The following SLC2A13 variants were observed in gnomAD, a reference collection of about 807,000 sequenced individuals.
The protein encoded by SLC2A13 is proton myo-inositol cotransporter.
A neutral mutation model predicts 64.4 loss-of-function variants in SLC2A13; 32 were observed. The ratio of observed to expected loss-of-function variants is 0.50; its 90% confidence interval spans 0.37 to 0.67. SLC2A13 has a LOEUF of 0.67. SLC2A13 is among the 30% of genes least tolerant of loss of function. The pLI is 0.00. For missense variants in SLC2A13, 743 were observed against 829.2 expected (o/e 0.90, Z 1.28); for synonymous variants, 338 against 327.1 (o/e 1.03, Z -0.36).
intron 4 of SLC2A13, among the ~76,000 whole-genome samples, chr12:39,918,851 CAAAA>C (rs10589116): frequency 4.8e-5 from 6 of 123,892 alleles, no homozygotes; most frequent in Admixed American, 7.9e-5. Flanking sequence ...GACTCTGTCT[CAAAA>C]AAAAAAAAAA....
intron 7 of SLC2A13, among the ~76,000 whole-genome samples, chr12:39,790,324 C>T (rs1371641695): frequency 4.0e-5 from 6 of 150,518 alleles, no homozygotes; most frequent in South Asian, 2.1e-4. Flanking sequence ...CACCCACTAA[C>T]GCGTCATCTA....
chr12:39,787,281 T>C (rs1315657817), intron 7 of SLC2A13, among the ~76,000 whole-genome samples: 1 of 152,230 alleles, frequency 6.6e-6, no homozygotes, highest in Non-Finnish European at 1.5e-5. Context: ...GGTATTTTCA[T>C]TTAAAAATGC....
chr12:39,900,809 G>GAACAAGAAAGGGCA (rs1945076565), intron 4 of SLC2A13, among the ~76,000 whole-genome samples: 1 of 152,178 alleles, frequency 6.6e-6, no homozygotes, highest in African/African-American at 2.4e-5. Flanking sequence ...GGCTACCAAT[G>GAACAAGAAAGGGCA]ACTTTCTTCA....
At chr12:40,101,052 C>T (rs954013847) in intron 1 of SLC2A13, among the ~76,000 whole-genome samples, 20 of 149,036 alleles carry the variant, frequency 1.3e-4, no homozygotes, top group African/African-American at 4.7e-4. Context: ...ATTTGAAATT[C>T]GACTTTTCAC....
chr12:40,097,836 T>C (rs1939004228), intron 1 of SLC2A13, among the ~76,000 whole-genome samples: 1 of 151,968 alleles, frequency 6.6e-6, no homozygotes, highest in Admixed American at 6.6e-5. Context: ...AAATTAGAAA[T>C]AGAACTACTA....
intron 3 of SLC2A13, among the ~76,000 whole-genome samples, chr12:39,971,997 A>AAAATATAT (rs1375405006): frequency 2.6e-5 from 2 of 77,380 alleles, no homozygotes; most frequent in Non-Finnish European, 5.0e-5. Context: ...AAAAAAAAAA[A>AAAATATAT]ATATATATAT....
At chr12:40,058,885 A>G (rs1948374946) in intron 1 of SLC2A13, among the ~76,000 whole-genome samples, 1 of 152,226 alleles carries the variant, frequency 6.6e-6, no homozygotes, top group Non-Finnish European at 1.5e-5. Context: ...TGAAAAGGGC[A>G]GTATCATCTC....
At chr12:39,820,717 TTATATATATATATATATA>T (rs11272834) in intron 7 of SLC2A13, among the ~76,000 whole-genome samples, 128 of 132,686 alleles carry the variant, frequency 9.6e-4, no homozygotes, top group South Asian at 1.9e-3. Flanking sequence ...ATTTTTAAAT[TTATATATATATATATATA>T]TATATATATA....
intron 7 of SLC2A13, among the ~76,000 whole-genome samples, chr12:39,801,649 T>A (rs139511825): frequency 6.6e-6 from 1 of 152,370 alleles, no homozygotes; most frequent in East Asian, 1.9e-4. Flanking sequence ...GTCAGCAGAC[T>A]TATTTTTCTT....
At chr12:39,900,733 G>A (rs370765986) in intron 4 of SLC2A13, among the ~76,000 whole-genome samples, 9,823 of 152,202 alleles carry the variant, frequency 0.065, 496 homozygotes, top group Admixed American at 0.12. Flanking sequence ...TGGGTAGGAA[G>A]AATCAATATT....
chr12:40,034,014 C>T (rs897738450), intron 2 of SLC2A13, among the ~76,000 whole-genome samples: 1 of 152,132 alleles, frequency 6.6e-6, no homozygotes, highest in African/African-American at 2.4e-5. Flanking sequence ...TCCTCCTTAA[C>T]CCAAATGACA....
chr12:39,999,232 A>C (rs958245289), intron 3 of SLC2A13, among the ~76,000 whole-genome samples: 4 of 152,194 alleles, frequency 2.6e-5, no homozygotes, highest in African/African-American at 9.7e-5. Context: ...GTGCACCTTG[A>C]AAAAGAACAG....
chr12:39,920,040 TC>T (rs1209629138), intron 4 of SLC2A13, among the ~76,000 whole-genome samples: 4 of 151,986 alleles, frequency 2.6e-5, no homozygotes, highest in Non-Finnish European at 5.9e-5. Context: ...TTAGCAAACA[TC>T]CTGGGTAGAA....
At chr12:39,806,107 T>C (rs1464942839) in intron 7 of SLC2A13, among the ~76,000 whole-genome samples, 1 of 152,236 alleles carries the variant, frequency 6.6e-6, no homozygotes. Context: ...TCAATTTGTA[T>C]ACAAATATAT....
In SLC2A13 at chr12:39,764,871, G is replaced by A. The variant is rs771752724; in HGVS notation, c.1446-13C>T. ...TTCATTTTCACACCTGAAAAATAAT[G>A]CAATATAAGTATTAACTTAATGTTT... On this transcript the variant is annotated splice_polypyrimidine_tract_variant and intron_variant, in intron 7 of 9. Coordinates refer to ENST00000280871, the MANE Select transcript of SLC2A13 (RefSeq NM_052885.4). The A allele has an allele frequency of 6.2e-7, 1 of 1,609,356 alleles. No homozygotes were observed. Among genetic ancestry groups the A allele is most frequent in the Non-Finnish European group, 8.5e-7 (1 of 1,177,600 alleles).
At chr12:39,781,682 AT>A (rs1361682068) in intron 7 of SLC2A13, among the ~76,000 whole-genome samples, 2 of 152,220 alleles carry the variant, frequency 1.3e-5, no homozygotes, top group African/African-American at 4.8e-5. Context: ...TGGAAGTTAT[AT>A]TTTAACAGCA....
intron 1 of SLC2A13, among the ~76,000 whole-genome samples, chr12:40,063,267 G>A (rs147544507): frequency 3.9e-5 from 6 of 152,012 alleles, no homozygotes; most frequent in South Asian, 2.1e-4. Flanking sequence ...TGACATTTCC[G>A]TTTTGAAGAT....
chr12:40,101,983 AT>A (rs2136309567), intron 1 of SLC2A13, among the ~76,000 whole-genome samples: 1 of 152,316 alleles, frequency 6.6e-6, no homozygotes, highest in African/African-American at 2.4e-5. Context: ...AAAGCACTAA[AT>A]AAGCACTTTT....
At chr12:39,898,450 A>C (rs1043642257) in intron 4 of SLC2A13, among the ~76,000 whole-genome samples, 1 of 152,114 alleles carries the variant, frequency 6.6e-6, no homozygotes, top group African/African-American at 2.4e-5. Context: ...GTCCATTTGG[A>C]GAATGACATA....
Sources: allele counts gnomAD v4.1 joint callset (sites outside exome capture counted in the v4.1 genomes callset), GRCh38; gene constraint gnomAD v4.1.1; transcripts MANE v1.5; gene names NCBI Gene and HGNC (gene_info 2026-07-23, HGNC 2026-07-21).